ZNF385D: variants seen among roughly 807,000 people sequenced by gnomAD.
The protein encoded by ZNF385D is zinc finger protein 659.
In ZNF385D, 15 loss-of-function variants were observed where a neutral mutation model predicts 35.8. The observed-to-expected ratio is 0.42, with a 90% CI of 0.28 to 0.64. The LOEUF is 0.64. Among genes scored for constraint, ZNF385D ranks in the 30% least tolerant of loss-of-function variants. The pLI is 0.23. For synonymous variants in ZNF385D, 212 were observed against 186.8 expected, an observed-to-expected ratio of 1.13 and a Z score of -1.10; for missense variants, 474 against 494.6, an observed-to-expected ratio of 0.96 and a Z score of 0.39.
At chr3:21,826,647 G>A (rs944524853) in intron 3 of ZNF385D, among the ~76,000 whole-genome samples, 1 of 152,046 alleles carries the variant, frequency 6.6e-6, no homozygotes, top group Non-Finnish European at 1.5e-5. Context: ...ATTTCACAGA[G>A]CAGGCACTCT....
intron 3 of ZNF385D, among the ~76,000 whole-genome samples, chr3:21,822,570 G>C (rs1266141926): frequency 2.0e-5 from 3 of 151,654 alleles, no homozygotes; most frequent in African/African-American, 7.3e-5. Context: ...ACTGATTCTA[G>C]TAGTAGGTAT....
chr3:21,603,374 AGCAATTCT>A (rs2064375939), intron 2 of ZNF385D, among the ~76,000 whole-genome samples: 1 of 137,706 alleles, frequency 7.3e-6, no homozygotes, highest in South Asian at 2.2e-4. Context: ...CTTCAGACCC[AGCAATTCT>A]GCTTCTGGTA....
intron 1 of ZNF385D, among the ~76,000 whole-genome samples, chr3:21,681,479 C>T (rs2066906168): frequency 6.6e-6 from 1 of 151,022 alleles, no homozygotes; most frequent in African/African-American, 2.4e-5. Context: ...TTTAATCTGC[C>T]AAAGGAAATG....
intron 3 of ZNF385D, among the ~76,000 whole-genome samples, chr3:22,143,207 G>A (rs1042562729): frequency 4.6e-5 from 7 of 151,642 alleles, no homozygotes; most frequent in South Asian, 4.2e-4. Context: ...CTCAGCCTCC[G>A]GAGTAGCAGC....
chr3:22,192,259 TG>T (rs1414403064), intron 2 of ZNF385D, among the ~76,000 whole-genome samples: 1 of 152,134 alleles, frequency 6.6e-6, no homozygotes, highest in Non-Finnish European at 1.5e-5. Context: ...ATTTGCAAGC[TG>T]AGATGTCTGC....
chr3:22,361,814 GCTTC>G (rs1319850453), intron 2 of ZNF385D, among the ~76,000 whole-genome samples: 1 of 151,760 alleles, frequency 6.6e-6, no homozygotes, highest in Non-Finnish European at 1.5e-5. Flanking sequence ...TCTTAGTTTT[GCTTC>G]CTTATCTAAA....
intron 3 of ZNF385D, among the ~76,000 whole-genome samples, chr3:21,857,700 T>A (rs1163222643): frequency 6.6e-6 from 1 of 151,840 alleles, no homozygotes; most frequent in Non-Finnish European, 1.5e-5. Context: ...TACCCTGAAG[T>A]CTGTTGCCTC....
chr3:22,358,831 G>C (rs1696274615), intron 2 of ZNF385D, among the ~76,000 whole-genome samples: 1 of 151,682 alleles, frequency 6.6e-6, no homozygotes, highest in Non-Finnish European at 1.5e-5. Context: ...TGACTGAACA[G>C]CATTGATAAT....
chr3:21,666,884 C>G (rs1310676141), intron 1 of ZNF385D, among the ~76,000 whole-genome samples: 1 of 152,058 alleles, frequency 6.6e-6, no homozygotes, highest in Non-Finnish European at 1.5e-5. Context: ...TCAAGACCAG[C>G]CTGGCTAACA....
At chr3:22,367,358 CT>C (rs1474686070) in intron 2 of ZNF385D, among the ~76,000 whole-genome samples, 2 of 152,144 alleles carry the variant, frequency 1.3e-5, no homozygotes, top group Non-Finnish European at 2.9e-5. Context: ...AACTCATACT[CT>C]TAAAATGCTA....
chr3:21,824,119 A>G (rs1230116844), intron 3 of ZNF385D, among the ~76,000 whole-genome samples: 2 of 152,232 alleles, frequency 1.3e-5, no homozygotes, highest in Non-Finnish European at 2.9e-5. Context: ...AAGAGATGAC[A>G]AAAGGTGATT....
chr3:22,125,582 T>G (rs953070264), intron 3 of ZNF385D, among the ~76,000 whole-genome samples: 7 of 152,146 alleles, frequency 4.6e-5, no homozygotes, highest in Admixed American at 4.6e-4. Flanking sequence ...TTTCCATTTT[T>G]ATGTGTCATC....
In ZNF385D at chr3:22,181,419, G is replaced by A. The variant is rs1281076077; in HGVS notation, c.107-12384C>T. Among the ~76,000 whole-genome samples the A allele has an allele frequency of 7.2e-5, 11 of 152,170 alleles. No homozygotes were observed. In the South Asian group the frequency reaches 8.3e-4, roughly 11 times the overall value. On this transcript the variant is annotated intron_variant, in intron 2 of 5. Transcript: ENST00000494108. ...CCAATAGAATATGGTAAAGGTGGCC[G>A]GGCGCGGTGTCTCAAGCCTGTAATC... is the stretch of plus-strand genomic sequence containing the variant.
chr3:22,296,043 G>A (rs1160325046), intron 2 of ZNF385D, among the ~76,000 whole-genome samples: 1 of 152,144 alleles, frequency 6.6e-6, no homozygotes, highest in East Asian at 1.9e-4. Context: ...CAGGGAAAAA[G>A]TACAAGTGGA....
intron 3 of ZNF385D, among the ~76,000 whole-genome samples, chr3:21,778,593 C>T (rs547996082): frequency 5.3e-5 from 8 of 151,856 alleles, no homozygotes; most frequent in Middle Eastern, 3.4e-3. Context: ...GAAATATACA[C>T]ATATATATAT....
At chr3:21,747,535 GT>G (rs772999516) in intron 1 of ZNF385D, among the ~76,000 whole-genome samples, 4 of 152,194 alleles carry the variant, frequency 2.6e-5, no homozygotes, top group Non-Finnish European at 5.9e-5. Context: ...GGGAATCTGT[GT>G]GGTTGACATG....
At chr3:21,829,297 G>A (rs1297730157) in intron 3 of ZNF385D, among the ~76,000 whole-genome samples, 1 of 152,128 alleles carries the variant, frequency 6.6e-6, no homozygotes, top group Non-Finnish European at 1.5e-5. Context: ...GCCAGAAAAA[G>A]TCTCTGAGAT....
At chr3:21,712,984 A>C (rs1187049403) in intron 1 of ZNF385D, among the ~76,000 whole-genome samples, 1 of 152,200 alleles carries the variant, frequency 6.6e-6, no homozygotes, top group African/African-American at 2.4e-5. Flanking sequence ...CAGTGGTGCC[A>C]CTTTTTTGGA....
Position 21,415,736 on chromosome 3 carries a change from AACAT to A in ZNF385D, c.*5474_*5477del. 6.6e-6 allele frequency: 1 copy of A among 152,138 alleles called. No homozygotes were observed. The highest frequency in any genetic ancestry group is 2.1e-4 in the South Asian group (1 of 4,838). The allele number at this position is 152,138 out of a possible 1,614,324, so 9.4% of individuals were successfully genotyped here. On this transcript the variant is annotated 3_prime_UTR_variant, in exon 8 of 8. Coordinates refer to ENST00000281523, the MANE Select transcript of ZNF385D (RefSeq NM_024697.3). ...AGAGATGACCTGCCAGTCTGAAAATAACATGACCCCATTATCGGCTGTCTTAGTT... is the reference window on the plus strand; with the variant it reads ...AGAGATGACCTGCCAGTCTGAAAATAGACCCCATTATCGGCTGTCTTAGTT...
Sources: allele counts gnomAD v4.1 joint callset (sites outside exome capture counted in the v4.1 genomes callset), GRCh38; gene constraint gnomAD v4.1.1; transcripts MANE v1.5; gene names NCBI Gene and HGNC (gene_info 2026-07-23, HGNC 2026-07-21).